The following SPAG17 variants were observed in gnomAD, a reference collection of about 807,000 sequenced individuals.
SPAG17 encodes the protein sperm-associated antigen 17.
Under a neutral mutation model 273.6 loss-of-function variants are expected in SPAG17, and 169 were observed. The observed-to-expected ratio is 0.62, with a 90% confidence interval of 0.55 to 0.70. The LOEUF (loss-of-function observed/expected upper bound fraction) is 0.70. Ranked by LOEUF, SPAG17 falls within the 30% of genes least tolerant of loss-of-function variation. The probability of loss-of-function intolerance (pLI) is 0.00; values close to 1 mark genes in which losing one functional copy is unlikely to be tolerated. For synonymous variants in SPAG17, 825 were observed against 873.2 expected, an observed-to-expected ratio of 0.94 and a Z score of 0.97; for missense variants, 2,557 against 2,627.8, an observed-to-expected ratio of 0.97 and a Z score of 0.59.
chr1:117,981,224 T>C (rs757770432), intron 43 of SPAG17, 46 bp downstream of exon 43: 2 of 1,521,866 alleles, frequency 1.3e-6, no homozygotes, highest in East Asian at 2.4e-5. Flanking sequence ...CAAAAAGACA[T>C]AATGTTCAGT....
At chr1:118,151,456 T>A in intron 1 of SPAG17, 87 bp from the exon 2 acceptor site, 2 of 1,285,498 alleles carry the variant, frequency 1.6e-6, no homozygotes, top group South Asian at 3.7e-5. Context: ...GCAGAATAAT[T>A]TTCCTGTAAA....
intron 3 of SPAG17, among the ~76,000 whole-genome samples, chr1:118,123,130 G>T (rs1165384547): frequency 6.6e-6 from 1 of 152,164 alleles, no homozygotes; most frequent in Non-Finnish European, 1.5e-5. Context: ...TGAGATGGAG[G>T]AATTCCATCA....
rs746362593 is a variant in SPAG17 at position 117,963,830 on chromosome 1, A to G, written c.6641T>C (p.Val2214Ala). ...TSTIYSSTLG[V>A]FMSRKVSPH ...TGGAGAAACTTTACGAGACATGAAGACTCCAAGTGTGGAGGAATAAATTGT... is the reference window on the plus strand; with the variant it reads ...TGGAGAAACTTTACGAGACATGAAGGCTCCAAGTGTGGAGGAATAAATTGT... Residue 2214 changes from valine to alanine, a missense_variant, in exon 48 of 49, where the codon GTC (valine) becomes GCC (alanine). Coordinates refer to ENST00000336338, the MANE Select transcript of SPAG17 (RefSeq NM_206996.4). The G allele has an allele frequency of 2.5e-6, 4 of 1,613,298 alleles. No individual in the cohort carries two copies. In the South Asian group the frequency reaches 4.4e-5, roughly 18 times the overall value.
At chr1:117,984,608 A>T (rs910174773) in intron 41 of SPAG17, 75 bp downstream of exon 41, 2 of 935,140 alleles carry the variant, frequency 2.1e-6, no homozygotes, top group African/African-American at 1.7e-5. Flanking sequence ...GGAAAGACAG[A>T]TTACATAATA....
chr1:118,133,598 C>T (rs1248037478), intron 3 of SPAG17, among the ~76,000 whole-genome samples: 2 of 152,122 alleles, frequency 1.3e-5, no homozygotes, highest in Non-Finnish European at 2.9e-5. Flanking sequence ...GAGGTTCCTG[C>T]ATCAACCCCC....
intron 46 of SPAG17, among the ~76,000 whole-genome samples, chr1:117,967,095 A>G (rs1447552135): frequency 1.3e-5 from 2 of 152,092 alleles, no homozygotes; most frequent in Non-Finnish European, 1.5e-5. Context: ...GAATGTCGGT[A>G]GTGACTTTCA....
chr1:117,978,275 C>T (rs1655351542), intron 43 of SPAG17, among the ~76,000 whole-genome samples: 1 of 152,222 alleles, frequency 6.6e-6, no homozygotes, highest in Admixed American at 6.5e-5. Context: ...CATCCATCTT[C>T]CCCACACCAA....
At chr1:117,989,473 C>T (rs962473339) in intron 38 of SPAG17, among the ~76,000 whole-genome samples, 1 of 152,096 alleles carries the variant, frequency 6.6e-6, no homozygotes, top group Non-Finnish European at 1.5e-5. Context: ...CACTCACCAC[C>T]AAGAGGACAG....
Position 118,041,878 on chromosome 1 carries a change from A to G in SPAG17, c.2979T>C (p.Ser993=). 1.2e-6 allele frequency: 2 copies of G among 1,613,808 alleles called. No homozygotes were observed. Among genetic ancestry groups the G allele is most frequent in the Non-Finnish European group, 1.7e-6 (2 of 1,179,850 alleles). ...LKKKSPYKEK[S]KEEQVKIQEV... is the part of the protein sequence containing the mutation. The stretch of plus-strand genomic sequence containing the variant: ...CTTGGATCTTGACTTGTTCTTCTTT[A>G]GATTTCTCCTTGTAAGGTGATTTTT... Residue 993 remains serine, a synonymous_variant, in exon 21 of 49, where the codon TCT becomes TCC. Transcript: ENST00000336338.
Position 117,996,374 on chromosome 1 carries a change from C to G in SPAG17, c.5049G>C (p.Gln1683His). 6.2e-7 allele frequency: 1 copy of G among 1,611,044 alleles called. No homozygotes were observed. Among genetic ancestry groups the G allele is most frequent in the Non-Finnish European group, 8.5e-7 (1 of 1,178,434 alleles). The change falls in exon 34 of 49, where the codon CAG (glutamine) becomes CAC (histidine). Residue 1683 changes from glutamine (Q) to histidine (H), a missense_variant. Gln to His is a conservative substitution (Grantham distance 24). Transcript: ENST00000336338. ...CAGACAGTATGGGTCCTCTACCTGG[C>G]TGTTCCTGCACTGGCTCTTGGAGAA... is the stretch of plus-strand genomic sequence containing the variant. ...TVVLQEPVQE[Q>H]PGTLTITVLR...
chr1:118,012,475 G>T, intron 29 of SPAG17, 103 bp from the exon 30 acceptor site: 1 of 1,329,438 alleles, frequency 7.5e-7, no homozygotes, highest in Non-Finnish European at 1.0e-6. Flanking sequence ...CAAAGTCCTA[G>T]TTATTTATTT....
chr1:118,105,503 A>C (rs1010048823), intron 4 of SPAG17, among the ~76,000 whole-genome samples: 1 of 152,166 alleles, frequency 6.6e-6, no homozygotes, highest in African/African-American at 2.4e-5. Context: ...AGAGAAGAGC[A>C]AGGGGAATCA....
chr1:117,982,391 G>A (rs934707165), intron 42 of SPAG17, among the ~76,000 whole-genome samples: 8 of 151,828 alleles, frequency 5.3e-5, no homozygotes, highest in South Asian at 2.1e-4. Context: ...ACAGGCACCC[G>A]CCACCACGCC....
At chr1:118,121,216 G>C (rs2102272411) in intron 3 of SPAG17, among the ~76,000 whole-genome samples, 1 of 152,246 alleles carries the variant, frequency 6.6e-6, no homozygotes, top group Middle Eastern at 3.4e-3. Flanking sequence ...CAGAGAGGGT[G>C]GGTGGAGGGC....
rs755816616 is a variant in SPAG17 at position 117,973,567 on chromosome 1, A to G, written c.6005-6T>C. 3.7e-6 allele frequency: 6 copies of G among 1,612,730 alleles called. No homozygotes were observed. In the South Asian group the frequency reaches 6.6e-5, roughly 18 times the overall value. On this transcript the variant is annotated splice_region_variant and splice_polypyrimidine_tract_variant and intron_variant, in intron 43 of 48. Transcript: ENST00000336338. ...GGGCTCATAAGATTCTGCTTCTGTT[A>G]GAGAGAAAGCTTAAATTATGCCACA...
chr1:117,978,904 G>A (rs555054093), intron 43 of SPAG17, among the ~76,000 whole-genome samples: 1 of 140,686 alleles, frequency 7.1e-6, no homozygotes, highest in East Asian at 2.1e-4. Context: ...TTTCGCTCTT[G>A]TTGCCCAAGC....
At chr1:118,084,756 T>C (rs918116002) in intron 13 of SPAG17, among the ~76,000 whole-genome samples, 1 of 152,200 alleles carries the variant, frequency 6.6e-6, no homozygotes, top group Non-Finnish European at 1.5e-5. Flanking sequence ...TGACTCCTGC[T>C]CAGTAATGTA....
intron 3 of SPAG17, among the ~76,000 whole-genome samples, chr1:118,147,670 C>T (rs2102339124): frequency 6.6e-6 from 1 of 152,292 alleles, no homozygotes. Flanking sequence ...AATGCCATGG[C>T]TAGATGAAAT....
In SPAG17 at chr1:118,147,714, A is replaced by G. The variant is rs1467144753; in HGVS notation, c.315+2829T>C. Among the ~76,000 whole-genome samples the G allele has an allele frequency of 2.0e-5, 3 of 152,226 alleles. No individual in the cohort carries two copies. The East Asian group carries it at 5.8e-4, about 29-fold the overall frequency. On this transcript the variant is annotated intron_variant, in intron 3 of 48. Transcript: ENST00000336338. ...TTCAGGGGAAATTACACAATCTCAT[A>G]ATGAGGCTGTGTGTACACAACACCA...
Sources: gnomAD v4.1 joint callset for allele counts (sites outside exome capture counted in the v4.1 genomes callset) on GRCh38, gnomAD v4.1.1 for gene constraint, MANE v1.5 for transcripts, NCBI Gene and HGNC (gene_info 2026-07-23, HGNC 2026-07-21) for gene names.